The following ARMC3 variants were observed in gnomAD, a reference collection of about 807,000 sequenced individuals.
The protein encoded by ARMC3 is armadillo repeat containing 3.
ARMC3 carries 74 observed loss-of-function variants against 90.3 expected under a neutral mutation model. That is an observed-to-expected ratio of 0.82 (90% CI 0.68 to 0.99). The LOEUF (loss-of-function observed/expected upper bound fraction) is 0.99. ARMC3 is among the 50% of genes least tolerant of loss of function. The pLI is 0.00. For synonymous variants in ARMC3, 334 were observed against 361.8 expected (o/e 0.92, Z 0.87); for missense variants, 958 against 1,042.8 (o/e 0.92, Z 1.12).
At chr10:23,021,442 G>A (rs1015244872) in intron 16 of ARMC3, among the ~76,000 whole-genome samples, 8 of 152,130 alleles carry the variant, frequency 5.3e-5, no homozygotes, top group Admixed American at 1.3e-4. Context: ...GTGAATGAAC[G>A]TTCCCTTTTC....
At chr10:22,940,297 A>G (rs1834277208) in intron 2 of ARMC3, among the ~76,000 whole-genome samples, 1 of 152,262 alleles carries the variant, frequency 6.6e-6, no homozygotes, top group Non-Finnish European at 1.5e-5. Context: ...GCGATAGCAT[A>G]AGAAACAATG....
Position 23,037,315 on chromosome 10 carries a change from G to C in ARMC3, c.2455G>C (p.Glu819Gln), listed in dbSNP as rs759223967. 1 of 1,611,520 alleles carries C rather than the reference G, an allele frequency of 6.2e-7. No individual in the cohort carries two copies. The highest frequency in any genetic ancestry group is 2.2e-5 in the East Asian group (1 of 44,834). Residue 819 changes from glutamate (E) to glutamine (Q), a missense_variant, in exon 19 of 19, where the codon GAG becomes CAG. By Grantham distance (29) the Glu-to-Gln change is conservative. Coordinates refer to ENST00000298032, the MANE Select transcript of ARMC3 (RefSeq NM_173081.5). ...IGIGCSLVRG[E>Q]YGRAWNEVML... The stretch of plus-strand genomic sequence containing the variant: ...CATTGGTTGCTCCCTAGTTCGCGGA[G>C]AGTACGGTAGAGCGTGGAATGAAGT...
intron 13 of ARMC3, among the ~76,000 whole-genome samples, chr10:23,005,971 G>A (rs1429767818): frequency 6.6e-6 from 1 of 152,098 alleles, no homozygotes; most frequent in Non-Finnish European, 1.5e-5. Flanking sequence ...TGAGGTGGGC[G>A]GTTGCAATTT....
chr10:22,930,422 A>T (rs1173941399), intron 1 of ARMC3, among the ~76,000 whole-genome samples: 1 of 152,232 alleles, frequency 6.6e-6, no homozygotes, highest in Non-Finnish European at 1.5e-5. Flanking sequence ...CTGATTGCTG[A>T]GTAATTTCAA....
intron 2 of ARMC3, among the ~76,000 whole-genome samples, chr10:22,940,781 C>G (rs1212460409): frequency 1.3e-5 from 2 of 152,114 alleles, no homozygotes; most frequent in Non-Finnish European, 1.5e-5. Context: ...CTACAGTGAC[C>G]CAAAATTATA....
At chr10:22,959,643 GA>G in intron 6 of ARMC3, 69 bp downstream of exon 6, 1 of 1,457,274 alleles carries the variant, frequency 6.9e-7, no homozygotes, top group Non-Finnish European at 9.2e-7. Flanking sequence ...ATTAAAAATA[GA>G]AAAAAGCTTT....
At chr10:22,953,550 C>CA (rs143966476) in intron 3 of ARMC3, among the ~76,000 whole-genome samples, 5,507 of 151,894 alleles carry the variant, frequency 0.036, 303 homozygotes, top group African/African-American at 0.12. Context: ...AAGATATCTA[C>CA]AAAAAAAACC....
intron 2 of ARMC3, among the ~76,000 whole-genome samples, chr10:22,938,027 A>T (rs1001024908): frequency 2.6e-5 from 4 of 152,214 alleles, no homozygotes; most frequent in Admixed American, 2.6e-4. Context: ...CAGTCAATTA[A>T]TAATAATATA....
At position 23,008,341 on chromosome 10, in the gene ARMC3, C is replaced by G. The variant is rs1001048438; in HGVS notation, c.1895C>G (p.Ser632Cys). 4 of 1,542,036 alleles carry G rather than the reference C, an allele frequency of 2.6e-6. No individual in the cohort carries two copies. Among genetic ancestry groups the G allele is most frequent in the Admixed American group, 1.8e-5 (1 of 56,494 alleles). The change falls in exon 15 of 19, where the codon TCT becomes TGT. Residue 632 changes from serine (S) to cysteine (C), a missense_variant. Ser to Cys is a moderately radical substitution (Grantham distance 112). Transcript: ENST00000298032. Reference protein sequence around the residue: ...VGYGRSISSSSSLRRSSKEKN... With the variant: ...VGYGRSISSSCSLRRSSKEKN... ...TATGGACGAAGTATTTCTTCTTCAT[C>G]TTCCTTAAGAAGATCAAGTAAAGAA... is the stretch of plus-strand genomic sequence containing the variant.
chr10:23,009,982 C>A (rs1410075328), intron 16 of ARMC3, among the ~76,000 whole-genome samples: 1 of 152,240 alleles, frequency 6.6e-6, no homozygotes, highest in South Asian at 2.1e-4. Flanking sequence ...CCAAGGCGTA[C>A]GCAGTGGTTT....
At chr10:22,997,426 A>C (rs982152959) in intron 10 of ARMC3, 1 of 152,230 alleles carries the variant, frequency 6.6e-6, no homozygotes, top group Non-Finnish European at 1.5e-5. Context: ...TAGTATATTA[A>C]TGGTAACTGT....
intron 6 of ARMC3, chr10:22,961,422 T>C (rs1835187122): frequency 6.4e-6 from 1 of 157,310 alleles, no homozygotes; most frequent in Non-Finnish European, 1.4e-5. Flanking sequence ...CGTATCTGAA[T>C]AAACCCGCTG....
At chr10:23,035,356 G>A (rs756061077) in intron 18 of ARMC3, among the ~76,000 whole-genome samples, 3 of 152,084 alleles carry the variant, frequency 2.0e-5, no homozygotes, top group Non-Finnish European at 2.9e-5. Flanking sequence ...ATTTGGGGGA[G>A]TACACAAACA....
chr10:22,986,936 G>C (rs1836476313), intron 10 of ARMC3, among the ~76,000 whole-genome samples: 1 of 152,112 alleles, frequency 6.6e-6, no homozygotes, highest in African/African-American at 2.4e-5. Context: ...TATTAGCAGT[G>C]AAAGAAGGAG....
chr10:22,944,854 AT>A (rs1313021743), intron 2 of ARMC3, among the ~76,000 whole-genome samples: 1 of 152,126 alleles, frequency 6.6e-6, no homozygotes, highest in Non-Finnish European at 1.5e-5. Context: ...ACCTTTTCTC[AT>A]TGGATCATGT....
chr10:22,929,340 GGAAAA>G (rs1422141186), intron 1 of ARMC3, among the ~76,000 whole-genome samples: 1 of 133,320 alleles, frequency 7.5e-6, no homozygotes, highest in Non-Finnish European at 1.6e-5. Context: ...GGAAAGGAAA[GGAAAA>G]GAAAAGAAAT....
rs756062248 is a variant in ARMC3 at position 22,946,219 on chromosome 10, T to C, written c.124T>C (p.Leu42=). 6.2e-7 allele frequency: 1 copy of C among 1,612,824 alleles called. No homozygotes were observed. Among genetic ancestry groups the C allele is most frequent in the Non-Finnish European group, 8.5e-7 (1 of 1,179,484 alleles). The change falls in exon 3 of 19, where the codon TTG becomes CTG. Residue 42 remains leucine (L), a synonymous_variant. Transcript: ENST00000298032. ...LMLNSPEEEI[L]AKACEAIYKF... The stretch of plus-strand genomic sequence containing the variant: ...GCTTAATTCTCCAGAAGAGGAAATT[T>C]TGGCTAAAGCATGTGAAGCCATTTA...
chr10:22,937,847 G>A (rs1834172143), intron 2 of ARMC3, among the ~76,000 whole-genome samples: 3 of 152,090 alleles, frequency 2.0e-5, no homozygotes, highest in Admixed American at 2.0e-4. Context: ...ATTGTTCATA[G>A]GTGATGGAGA....
intron 18 of ARMC3, 23 bp downstream of exon 18, chr10:23,033,046 T>C (rs1220250759): frequency 6.2e-7 from 1 of 1,607,610 alleles, no homozygotes; most frequent in Non-Finnish European, 8.5e-7. Flanking sequence ...TTTTGCCTCA[T>C]TTGCCATTAA....
Sources: gnomAD v4.1 joint callset for allele counts (sites outside exome capture counted in the v4.1 genomes callset) on GRCh38, gnomAD v4.1.1 for gene constraint, MANE v1.5 for transcripts, NCBI Gene and HGNC (gene_info 2026-07-23, HGNC 2026-07-21) for gene names.